Variants in TEX15 observed in about 807,000 individuals in gnomAD.
The protein encoded by TEX15 is testis-expressed protein 15.
Under a neutral mutation model 237.3 loss-of-function variants are expected in TEX15, and 171 were observed. The observed-to-expected ratio is 0.72, with a 90% CI of 0.64 to 0.82. The LOEUF is 0.82. Ranked by LOEUF, TEX15 falls within the 40% of genes least tolerant of loss-of-function variation. TEX15 has a pLI of 0.00. For synonymous variants in TEX15, 1,338 were observed against 1,269.8 expected, an observed-to-expected ratio of 1.05 and a Z score of -1.14; for missense variants, 3,750 against 3,646.5, an observed-to-expected ratio of 1.03 and a Z score of -0.73.
chr8:30,858,651 T>A lies in TEX15; in HGVS notation c.850+17A>T. ...CAGCACAAATATTAATCAAGTACAATCATATGTGTATCTTACCAGCTCTCT... is the reference window on the plus strand; with the variant it reads ...CAGCACAAATATTAATCAAGTACAAACATATGTGTATCTTACCAGCTCTCT... On this transcript the variant is annotated intron_variant, in intron 7 of 10. Transcript: ENST00000643185. The A allele has an allele frequency of 6.6e-7, 1 of 1,516,590 alleles. No homozygotes were observed. The allele number at this position is 1,516,590 out of a possible 1,614,324, so 93.9% of individuals were successfully genotyped here. A position where few individuals can be genotyped will look rare whatever the true frequency, so the allele number is the denominator to read the frequency against.
intron 3 of TEX15, among the ~76,000 whole-genome samples, chr8:30,877,850 T>C (rs1295450341): frequency 6.6e-6 from 1 of 152,234 alleles, no homozygotes; most frequent in Non-Finnish European, 1.5e-5. Flanking sequence ...TGTGTAGTTC[T>C]ATGTAATTTT....
intron 3 of TEX15, among the ~76,000 whole-genome samples, chr8:30,885,079 A>G (rs755013611): frequency 6.6e-6 from 1 of 151,824 alleles, no homozygotes; most frequent in Non-Finnish European, 1.5e-5. Context: ...TGATGCTTTT[A>G]TTATTTAGAA....
At chr8:30,854,636 A>T (rs1807867799) in intron 7 of TEX15, among the ~76,000 whole-genome samples, 1 of 152,070 alleles carries the variant, frequency 6.6e-6, no homozygotes, top group African/African-American at 2.4e-5. Flanking sequence ...ATACTTCCCA[A>T]CTCATCCTAT....
At chr8:30,867,592 A>T (rs1259616864) in intron 4 of TEX15, 90 bp from the exon 5 acceptor site, 4 of 737,494 alleles carry the variant, frequency 5.4e-6, no homozygotes, top group Non-Finnish European at 6.7e-6. Context: ...ACAGTTAGAA[A>T]GCAAGAGAAG....
In TEX15 at chr8:30,845,166, T is replaced by C. The variant is rs1807569131; in HGVS notation, c.5001A>G (p.Gln1667=). The C allele has an allele frequency of 6.2e-7, 1 of 1,613,512 alleles. No individual in the cohort carries two copies. The highest frequency in any genetic ancestry group is 8.5e-7 in the Non-Finnish European group (1 of 1,179,522). The change falls in exon 8 of 11, where the codon CAA becomes CAG. Residue 1667 remains glutamine (Q), a synonymous_variant. Coordinates refer to ENST00000643185, the MANE Select transcript of TEX15 (RefSeq NM_001350162.2). ...NVKHFLNDLY[Q]QGNLILSDCK... ...AATCAGATAAAATAAGGTTACCTTGTTGGTAGAGATCATTTAAAAAGTGCT... is the reference window on the plus strand; with the variant it reads ...AATCAGATAAAATAAGGTTACCTTGCTGGTAGAGATCATTTAAAAAGTGCT...
chr8:30,844,574 C>G lies in TEX15; in HGVS notation c.5593G>C (p.Gly1865Arg), dbSNP rs1241344744. 1 of 1,612,954 alleles carries G rather than the reference C, an allele frequency of 6.2e-7. No homozygotes were observed. Among genetic ancestry groups the G allele is most frequent in the African/African-American group, 1.3e-5 (1 of 74,956 alleles). ...DSVYKRSMTE[G>R]STVNTEYKNQ... is the part of the protein sequence containing the mutation. Reference sequence around the variant, plus strand: ...TTGTACTCAGTATTAACAGTTGATCCTTCAGTCATGCTTCTTTTGTAAACA... The same window carrying G: ...TTGTACTCAGTATTAACAGTTGATCGTTCAGTCATGCTTCTTTTGTAAACA... The change falls in exon 8 of 11, where the codon GGA becomes CGA. Residue 1865 changes from glycine (G) to arginine (R), a missense_variant. By Grantham distance (125) the Gly-to-Arg change is moderately radical (BLOSUM62 -2). Coordinates refer to ENST00000643185, the MANE Select transcript of TEX15 (RefSeq NM_001350162.2).
intron 8 of TEX15, among the ~76,000 whole-genome samples, chr8:30,840,943 A>T (rs1301540487): frequency 6.6e-6 from 1 of 152,048 alleles, no homozygotes; most frequent in Non-Finnish European, 1.5e-5. Flanking sequence ...TTTGAAACAG[A>T]GTCTTACTCT....
intron 7 of TEX15, among the ~76,000 whole-genome samples, chr8:30,856,058 G>C (rs1331470389): frequency 6.6e-6 from 1 of 151,954 alleles, no homozygotes; most frequent in African/African-American, 2.4e-5. Context: ...CGATTCTCCT[G>C]CCTCAGCCTC....
chr8:30,901,536 G>C (rs1809006449), intron 1 of TEX15, among the ~76,000 whole-genome samples: 2 of 152,170 alleles, frequency 1.3e-5, no homozygotes, highest in African/African-American at 2.4e-5. Flanking sequence ...AAAAAATCCA[G>C]AAGAAATGCC....
chr8:30,840,323 G>A (rs1807422683), intron 8 of TEX15, among the ~76,000 whole-genome samples: 1 of 151,890 alleles, frequency 6.6e-6, no homozygotes, highest in African/African-American at 2.4e-5. Flanking sequence ...AGCCTCCAGA[G>A]TAGCTGGGAC....
At chr8:30,878,867 G>A (rs1808459914) in intron 3 of TEX15, among the ~76,000 whole-genome samples, 1 of 152,188 alleles carries the variant, frequency 6.6e-6, no homozygotes, top group African/African-American at 2.4e-5. Flanking sequence ...GTTTTCTGGA[G>A]TGGCTGTGCT....
intron 10 of TEX15, among the ~76,000 whole-genome samples, chr8:30,836,232 T>TTTG (rs1807293978): frequency 6.9e-6 from 1 of 145,440 alleles, no homozygotes; most frequent in Admixed American, 7.0e-5. Flanking sequence ...TTTTTTTTTT[T>TTTG]GAGGTCGAGT....
chr8:30,912,692 C>A (rs1809257526), intron 1 of TEX15, among the ~76,000 whole-genome samples, 187 bp downstream of exon 1: 1 of 152,164 alleles, frequency 6.6e-6, no homozygotes, highest in African/African-American at 2.4e-5. Context: ...GTCCCTGAAT[C>A]AATGATAATT....
intron 1 of TEX15, among the ~76,000 whole-genome samples, chr8:30,903,482 G>A (rs934815414): frequency 2.6e-5 from 4 of 152,170 alleles, no homozygotes; most frequent in African/African-American, 9.7e-5. Context: ...TGCAGAGAAA[G>A]GTGAGAAACA....
Position 30,888,182 on chromosome 8 carries a change from T to C in TEX15, c.-9-871A>G, listed in dbSNP as rs1808703872. ...CTCCTGCCTCAGACTCCCAAAGTGC[T>C]GGAATTACAGGCATGAGCCACCATG... On this transcript the variant is annotated intron_variant, in intron 2 of 10. Transcript: ENST00000643185. 2.6e-5 allele frequency among the ~76,000 whole-genome samples: 4 copies of C among 151,956 alleles called. No individual in the cohort carries two copies. The South Asian group carries it at 8.3e-4, about 31-fold the overall frequency.
chr8:30,860,049 A>T lies in TEX15; in HGVS notation c.549T>A (p.Phe183Leu). 6.7e-7 allele frequency: 1 copy of T among 1,482,104 alleles called. No individual in the cohort carries two copies. The highest frequency in any genetic ancestry group is 2.5e-5 in the East Asian group (1 of 40,182). 91.8% of individuals were successfully genotyped at this position (1,482,104 alleles called of 1,614,324 possible). Residue 183 changes from phenylalanine (F) to leucine (L), a missense_variant, in exon 6 of 11, where the codon TTT (phenylalanine) becomes TTA (leucine). Physicochemically the swap from Phe to Leu is conservative, Grantham distance 22. Transcript: ENST00000643185. ...AAGGTTGGATTTTCTTCACTTTTCCAAAGAGAACCTAAAAAAAAAAAAGCC... is the reference window on the plus strand; with the variant it reads ...AAGGTTGGATTTTCTTCACTTTTCCTAAGAGAACCTAAAAAAAAAAAAGCC... ...VESILIFKVL[F>L]GKVKKIQPSV...
At position 30,847,112 on chromosome 8, in the gene TEX15, C is replaced by A. The variant is rs1169547768; in HGVS notation, c.3055G>T (p.Gly1019Cys). 2 of 1,613,586 alleles carry A rather than the reference C, an allele frequency of 1.2e-6. No individual in the cohort carries two copies. Among genetic ancestry groups the A allele is most frequent in the Non-Finnish European group, 1.7e-6 (2 of 1,179,804 alleles). The change falls in exon 8 of 11, where the codon GGT (glycine) becomes TGT (cysteine). Residue 1019 changes from glycine to cysteine, a missense_variant. Transcript: ENST00000643185. ...GAAACCCTATGTTTTACTAACAAAC[C>A]AAAATCTGGACTTTCAGAAGAACAA... is the stretch of plus-strand genomic sequence containing the variant. ...ETCSSESPDF[G>C]LLVKHRVSDC...
chr8:30,887,328 G>A lies in TEX15; in HGVS notation c.-9-17C>T, dbSNP rs370722164. 33 of 1,513,402 alleles carry A rather than the reference G, an allele frequency of 2.2e-5. No homozygotes were observed. Among genetic ancestry groups the A allele is most frequent in the South Asian group, 1.9e-4 (15 of 79,334 alleles). 93.7% of individuals were successfully genotyped at this position (1,513,402 alleles called of 1,614,324 possible). A position where few individuals can be genotyped will look rare whatever the true frequency, so the allele number is the denominator to read the frequency against. ...TTTGTTGGCCTAAAATCAACCCAAG[G>A]TTATTAAGCAAAAAGGTCAATAAAT... On this transcript the variant is annotated splice_polypyrimidine_tract_variant and intron_variant, in intron 2 of 10. Transcript: ENST00000643185.
Position 30,847,230 on chromosome 8 carries a change from T to C in TEX15, c.2937A>G (p.Val979=). ...FPKTASSSVC[V]ASNAAIQIAS... is the part of the protein sequence containing the mutation. ...CTATCTGTATTGCAGCATTTGAGGC[T>C]ACACACACTGAAGAACTTGCAGTTT... Residue 979 remains valine (V), a synonymous_variant, in exon 8 of 11, where the codon GTA becomes GTG. Transcript: ENST00000643185. 3.1e-6 allele frequency: 5 copies of C among 1,614,012 alleles called. No individual in the cohort carries two copies. The highest frequency in any genetic ancestry group is 4.2e-6 in the Non-Finnish European group (5 of 1,179,884).
Sources: allele counts gnomAD v4.1 joint callset (sites outside exome capture counted in the v4.1 genomes callset), GRCh38; gene constraint gnomAD v4.1.1; transcripts MANE v1.5; gene names NCBI Gene and HGNC (gene_info 2026-07-23, HGNC 2026-07-21).